Variants in PRKG1 observed in about 807,000 individuals in gnomAD.
PRKG1 encodes the protein cGMP-dependent protein kinase 1.
PRKG1 carries 35 observed loss-of-function variants against 88.1 expected under a neutral mutation model. The ratio of observed to expected loss-of-function variants is 0.40; its 90% CI spans 0.30 to 0.53. The LOEUF (loss-of-function observed/expected upper bound fraction) is 0.53. PRKG1 is among the 20% of genes least tolerant of loss of function. PRKG1 has a pLI of 0.59. For missense variants in PRKG1, 540 were observed against 839.8 expected (o/e 0.64, Z 4.41); for synonymous variants, 303 against 292.5 (o/e 1.04, Z -0.37).
chr10:51,702,366 T>C (rs910371957), intron 3 of PRKG1, among the ~76,000 whole-genome samples: 1 of 152,214 alleles, frequency 6.6e-6, no homozygotes, highest in African/African-American at 2.4e-5. Flanking sequence ...TACTTATTGT[T>C]AACTCAATGT....
chr10:51,833,966 A>G (rs10823690), intron 4 of PRKG1, among the ~76,000 whole-genome samples: 31,849 of 152,054 alleles, frequency 0.21, 5,357 homozygotes, highest in African/African-American at 0.47. Context: ...TTGTCTTTCC[A>G]TGCCTAGCCT....
intron 2 of PRKG1, among the ~76,000 whole-genome samples, chr10:51,365,206 G>A (rs1000502916): frequency 3.3e-5 from 5 of 151,834 alleles, no homozygotes; most frequent in African/African-American, 1.2e-4. Flanking sequence ...AATGCCTGTT[G>A]TCACTATCAT....
intron 1 of PRKG1, among the ~76,000 whole-genome samples, chr10:51,001,541 T>G (rs1842889608): frequency 2.0e-5 from 3 of 152,356 alleles, no homozygotes; most frequent in Admixed American, 2.0e-4. Flanking sequence ...TAAATTATAT[T>G]GTTAAAAGGA....
chr10:51,741,604 A>G (rs921171211), intron 3 of PRKG1, among the ~76,000 whole-genome samples: 2 of 152,182 alleles, frequency 1.3e-5, no homozygotes, highest in African/African-American at 4.8e-5. Flanking sequence ...AGGCAAAGCT[A>G]GATAGTGATG....
intron 2 of PRKG1, among the ~76,000 whole-genome samples, chr10:51,284,865 CTTTTTTTTT>C (rs5784867): frequency 0.024 from 1,262 of 51,698 alleles, 13 homozygotes; most frequent in Non-Finnish European, 0.034. Context: ...GTTGTGGGTA[CTTTTTTTTT>C]TTTTTTTTTT....
intron 1 of PRKG1, among the ~76,000 whole-genome samples, chr10:51,008,814 A>G (rs971953375): frequency 6.6e-6 from 1 of 152,204 alleles, no homozygotes; most frequent in Non-Finnish European, 1.5e-5. Context: ...GGATGAGATG[A>G]AGAGAGTAAA....
At chr10:52,192,336 G>T (rs997252835) in intron 9 of PRKG1, among the ~76,000 whole-genome samples, 1 of 152,084 alleles carries the variant, frequency 6.6e-6, no homozygotes, top group African/African-American at 2.4e-5. Flanking sequence ...GCCAGAAATG[G>T]TACTAAGTAA....
intron 3 of PRKG1, among the ~76,000 whole-genome samples, chr10:51,738,240 C>T (rs987846825): frequency 3.9e-5 from 6 of 152,068 alleles, no homozygotes; most frequent in Non-Finnish European, 5.9e-5. Context: ...AGAGGATGTA[C>T]CAGATAGATA....
intron 2 of PRKG1, among the ~76,000 whole-genome samples, chr10:51,223,014 C>G (rs960619675): frequency 6.9e-6 from 1 of 144,204 alleles, no homozygotes; most frequent in African/African-American, 2.8e-5. Flanking sequence ...TTGTGTGTGG[C>G]GGGGGGTGGT....
In PRKG1 at chr10:52,294,619, TG is replaced by T. The variant is rs1417387011; in HGVS notation, c.*720del. On this transcript the variant is annotated 3_prime_UTR_variant, in exon 18 of 18. Transcript: ENST00000373980. ...TGAAAAATAATGCATGATATTTGTT[TG>T]TTTTTTTTGATAAATTGGCATGACA... 6.6e-6 allele frequency: 1 copy of T among 152,462 alleles called. No homozygotes were observed. Among genetic ancestry groups the T allele is most frequent in the African/African-American group, 2.4e-5 (1 of 41,446 alleles). The allele number at this position is 152,462 out of a possible 1,614,324, so 9.4% of individuals were successfully genotyped here. A position where few individuals can be genotyped will look rare whatever the true frequency, so the allele number is the denominator to read the frequency against.
intron 1 of PRKG1, among the ~76,000 whole-genome samples, chr10:51,146,894 T>A (rs1845959177): frequency 6.6e-6 from 1 of 152,168 alleles, no homozygotes; most frequent in Admixed American, 6.5e-5. Context: ...GGAATCAATC[T>A]AAATGTCCAT....
In PRKG1 at chr10:52,162,071, T is replaced by G. The variant is rs796338258; in HGVS notation, c.1076+108T>G. 2.3e-5 allele frequency: 21 copies of G among 919,104 alleles called. No individual in the cohort carries two copies. The African/African-American group carries it at 2.9e-4, about 12-fold the overall frequency. 56.9% of individuals were successfully genotyped at this position (919,104 alleles called of 1,614,324 possible). A position where few individuals can be genotyped will look rare whatever the true frequency, so the allele number is the denominator to read the frequency against. On this transcript the variant is annotated intron_variant, in intron 9 of 17. Transcript: ENST00000373980. ...TCCCAACACTCTGACAGGAAACAAC[T>G]AATTAGTTGAGAGACAAAGAAGCAA... is the stretch of plus-strand genomic sequence containing the variant.
intron 7 of PRKG1, among the ~76,000 whole-genome samples, chr10:52,132,756 A>T (rs1200897349): frequency 6.6e-6 from 1 of 152,102 alleles, no homozygotes; most frequent in East Asian, 1.9e-4. Context: ...ATTTTCAAGT[A>T]TAGCTTATTT....
chr10:52,022,033 A>C (rs1845199429), intron 5 of PRKG1, among the ~76,000 whole-genome samples: 1 of 152,146 alleles, frequency 6.6e-6, no homozygotes. Context: ...TCAACTTTAC[A>C]ATGGTGTGAA....
intron 2 of PRKG1, among the ~76,000 whole-genome samples, chr10:51,192,185 G>A (rs1837648161): frequency 6.6e-6 from 1 of 150,842 alleles, no homozygotes; most frequent in Admixed American, 6.6e-5. Flanking sequence ...TTCTATATAA[G>A]TAATGTAGGG....
At chr10:51,337,902 T>A (rs1031336970) in intron 2 of PRKG1, among the ~76,000 whole-genome samples, 1 of 152,142 alleles carries the variant, frequency 6.6e-6, no homozygotes, top group Non-Finnish European at 1.5e-5. Context: ...TTGCTGGATA[T>A]AAGCCCAAAG....
intron 3 of PRKG1, among the ~76,000 whole-genome samples, chr10:51,590,198 C>T (rs1345417962): frequency 6.6e-6 from 1 of 152,162 alleles, no homozygotes; most frequent in Non-Finnish European, 1.5e-5. Flanking sequence ...TCCAAGAAGT[C>T]AAAGTTGTAG....
chr10:51,739,502 G>A (rs1024109532), intron 3 of PRKG1, among the ~76,000 whole-genome samples: 1 of 152,056 alleles, frequency 6.6e-6, no homozygotes, highest in African/African-American at 2.4e-5. Flanking sequence ...CATGGGTATT[G>A]CTCCTAACAG....
intron 2 of PRKG1, among the ~76,000 whole-genome samples, chr10:51,171,208 C>A (rs536354110): frequency 6.6e-6 from 1 of 152,006 alleles, no homozygotes; most frequent in Non-Finnish European, 1.5e-5. Context: ...AATGGAGTGG[C>A]CTTTTACAGA....
Sources: allele counts gnomAD v4.1 joint callset (sites outside exome capture counted in the v4.1 genomes callset), GRCh38; gene constraint gnomAD v4.1.1; transcripts MANE v1.5; gene names NCBI Gene and HGNC (gene_info 2026-07-23, HGNC 2026-07-21).